LRRC15: variants seen among roughly 807,000 people sequenced by gnomAD.
LRRC15 encodes the protein leucine rich repeat containing 15.
In LRRC15, 5 loss-of-function variants were observed where a neutral mutation model predicts 4.3. That is an observed-to-expected ratio of 1.16 (90% CI 0.61 to 2.44). LRRC15 has a LOEUF of 2.44. Ranked by LOEUF, LRRC15 falls within the 30% of genes most tolerant of loss-of-function variation. LRRC15 has a pLI of 0.01. For synonymous variants in LRRC15, 337 were observed against 323.2 expected (o/e 1.04, Z -0.46); for missense variants, 769 against 747.0 (o/e 1.03, Z -0.34).
rs750414147 is a variant in LRRC15 at position 194,360,805 on chromosome 3, A to G, written c.239T>C (p.Ile80Thr). 6.8e-6 allele frequency: 11 copies of G among 1,614,098 alleles called. No homozygotes were observed. The East Asian group carries it at 2.0e-4, about 29-fold the overall frequency. The change falls in exon 2 of 2, where the codon ATC (isoleucine) becomes ACC (threonine). Residue 80 changes from isoleucine (I) to threonine (T), a missense_variant. Coordinates refer to ENST00000347624, the MANE Select transcript of LRRC15 (RefSeq NM_130830.5). The part of the protein sequence containing the change: ...ESPFLNISAL[I>T]ALRIEKNELS... ...CTCATTCTTCTCAATCCTCAGGGCG[A>G]TGAGGGCTGAGATATTGAGGAACGG... is the stretch of plus-strand genomic sequence containing the variant.
At position 194,360,338 on chromosome 3, in the gene LRRC15, G is replaced by A. The variant is rs564686984; in HGVS notation, c.706C>T (p.Leu236Phe). Reference protein sequence around the residue: ...LALQQNQIGLLSPGLFHNNHN... With the variant: ...LALQQNQIGLFSPGLFHNNHN... ...TTGTTGTGGAAGAGACCAGGGGAGA[G>A]CAGTCCAATCTGGTTCTGCTGCAGA... is the stretch of plus-strand genomic sequence containing the variant. Residue 236 changes from leucine to phenylalanine, a missense_variant, in exon 2 of 2, where the codon CTC becomes TTC. By Grantham distance (22) the Leu-to-Phe change is conservative. Transcript: ENST00000347624. 1 of 1,614,134 alleles carries A rather than the reference G, an allele frequency of 6.2e-7. No homozygotes were observed. The highest frequency in any genetic ancestry group is 1.7e-5 in the Admixed American group (1 of 60,028).
rs957232620 is a variant in LRRC15 at position 194,357,587 on chromosome 3, C to T, written c.*1711G>A. 3.9e-5 allele frequency: 6 copies of T among 152,310 alleles called. No homozygotes were observed. Among genetic ancestry groups the T allele is most frequent in the African/African-American group, 1.2e-4 (5 of 41,560 alleles). 9.4% of individuals were successfully genotyped at this position (152,310 alleles called of 1,614,324 possible). ...AGGAAAGCCAGAGAAGGCAGGTATT[C>T]GTGTGACTGTGACTCGAGGAGGAGA... On this transcript the variant is annotated 3_prime_UTR_variant, in exon 2 of 2. Transcript: ENST00000347624.
At position 194,358,831 on chromosome 3, in the gene LRRC15, T is replaced by C. The variant is rs1474549559; in HGVS notation, c.*467A>G. ...TGAGGGGACATGCTGGGTCAAGCCG[T>C]AGCACAAACAAGAGAAACAAAAGAA... On this transcript the variant is annotated 3_prime_UTR_variant, in exon 2 of 2. Transcript: ENST00000347624. 1 of 155,900 alleles carries C rather than the reference T, an allele frequency of 6.4e-6. No individual in the cohort carries two copies. Among genetic ancestry groups the C allele is most frequent in the African/African-American group, 2.4e-5 (1 of 41,464 alleles). 9.7% of individuals were successfully genotyped at this position (155,900 alleles called of 1,614,324 possible).
At position 194,359,760 on chromosome 3, in the gene LRRC15, G is replaced by A; in HGVS notation, c.1284C>T (p.Asp428=). 1.2e-6 allele frequency: 2 copies of A among 1,614,154 alleles called. No individual in the cohort carries two copies. Among genetic ancestry groups the A allele is most frequent in the Non-Finnish European group, 8.5e-7 (1 of 1,180,022 alleles). The change falls in exon 2 of 2, where the codon GAC becomes GAT. Residue 428 remains aspartate (D), a synonymous_variant. Transcript: ENST00000347624. ...AGTTGCGGAGCGGAAGGATGTCTGA[G>A]TCACACCTCCAGGGATTGTCATACA... ...LRLYDNPWRC[D]SDILPLRNWL... is the part of the protein sequence containing the mutation.
In LRRC15 at chr3:194,360,726, G is replaced by C. The variant is rs1445109365; in HGVS notation, c.318C>G (p.Leu106=). ...AFRNLGSLRY[L]SLANNKLQVL... The stretch of plus-strand genomic sequence containing the variant: ...CCTGCAGCTTGTTGTTGGCGAGGCT[G>C]AGATAGCGCAGCGAGCCCAGGTTTC... The change falls in exon 2 of 2, where the codon CTC becomes CTG. Residue 106 remains leucine, a synonymous_variant. Coordinates refer to ENST00000347624, the MANE Select transcript of LRRC15 (RefSeq NM_130830.5). 6.2e-7 allele frequency: 1 copy of C among 1,614,122 alleles called. No individual in the cohort carries two copies. The highest frequency in any genetic ancestry group is 2.2e-5 in the East Asian group (1 of 44,902).
intron 1 of LRRC15, among the ~76,000 whole-genome samples, chr3:194,365,407 G>C (rs1713748807): frequency 6.6e-6 from 1 of 152,114 alleles, no homozygotes; most frequent in Non-Finnish European, 1.5e-5. Flanking sequence ...GGACGTTTTT[G>C]GTTTAATACC....
chr3:194,367,464 A>T lies in LRRC15; in HGVS notation c.-4+2197T>A, dbSNP rs1018668219. 2.0e-5 allele frequency among the ~76,000 whole-genome samples: 3 copies of T among 151,864 alleles called. No homozygotes were observed. The East Asian group carries it at 5.8e-4, about 29-fold the overall frequency. On this transcript the variant is annotated intron_variant, in intron 1 of 1. Coordinates refer to ENST00000347624, the MANE Select transcript of LRRC15 (RefSeq NM_130830.5). ...TGGGACTACAGGTGCCCGCCACCAC[A>T]CCCGGCTAATTTTTTGTATTTTTAG...
rs1370593506 is a variant in LRRC15 at position 194,357,391 on chromosome 3, G to A, written c.*1907C>T. The A allele has an allele frequency of 7.2e-5, 11 of 152,142 alleles. No individual in the cohort carries two copies. The highest frequency in any genetic ancestry group is 5.9e-4 in the Admixed American group (9 of 15,272). The allele number at this position is 152,142 out of a possible 1,614,324, so 9.4% of individuals were successfully genotyped here. A position where few individuals can be genotyped will look rare whatever the true frequency, so the allele number is the denominator to read the frequency against. On this transcript the variant is annotated 3_prime_UTR_variant, in exon 2 of 2. Transcript: ENST00000347624. Reference sequence around the variant, plus strand: ...AGCGGGGAGCTAATAAGAGCCGATCGGGATTGGTCGTGGATTTCCAGATCC... The same window carrying A: ...AGCGGGGAGCTAATAAGAGCCGATCAGGATTGGTCGTGGATTTCCAGATCC...
At chr3:194,362,934 A>ATT (rs1162019236) in intron 1 of LRRC15, among the ~76,000 whole-genome samples, 95 of 114,738 alleles carry the variant, frequency 8.3e-4, no homozygotes, top group Non-Finnish European at 9.9e-4. Flanking sequence ...ACAGACCTTG[A>ATT]TTTTGTTTTT....
intron 1 of LRRC15, among the ~76,000 whole-genome samples, chr3:194,362,180 A>G (rs10698992): frequency 0.39 from 59,890 of 151,680 alleles, 12,986 homozygotes; most frequent in African/African-American, 0.55. Context: ...TATGGGACAT[A>G]GGTGCTGGTC....
rs749867103 is a variant in LRRC15 at position 194,360,108 on chromosome 3, G to A, written c.936C>T (p.Val312=). Residue 312 remains valine, a synonymous_variant, in exon 2 of 2, where the codon GTC becomes GTT. Coordinates refer to ENST00000347624, the MANE Select transcript of LRRC15 (RefSeq NM_130830.5). The part of the protein sequence containing the change: ...DNHISSLPDN[V]FSNLRQLQVL... ...CCTGCAACTGGCGGAGGTTGCTGAA[G>A]ACATTGTCGGGTAGAGAAGAGATGT... The A allele has an allele frequency of 1.2e-6, 2 of 1,614,248 alleles. No individual in the cohort carries two copies. The highest frequency in any genetic ancestry group is 2.2e-5 in the South Asian group (2 of 91,086).
chr3:194,363,284 C>A, intron 1 of LRRC15: 1 of 665,162 alleles, frequency 1.5e-6, no homozygotes, highest in Admixed American at 2.5e-5. Context: ...GAAGCCCTGA[C>A]CTGCTATACT....
rs1560046085 is a variant in LRRC15 at position 194,361,027 on chromosome 3, T to TAATGCTTCAGTG, written c.5_16dup (p.His5_Tyr6insSerLeuLysHis). The TAATGCTTCAGTG allele has an allele frequency of 6.6e-7, 1 of 1,514,878 alleles. No individual in the cohort carries two copies. The highest frequency in any genetic ancestry group is 2.3e-5 in the East Asian group (1 of 44,148). The allele number at this position is 1,514,878 out of a possible 1,614,324, so 93.8% of individuals were successfully genotyped here. A position where few individuals can be genotyped will look rare whatever the true frequency, so the allele number is the denominator to read the frequency against. ...TTGGCAGCCCACCAGCAAAAGGAGATAATGCTTCAGTGGCATAGCCTGTGC... is the reference window on the plus strand; with the variant it reads ...TTGGCAGCCCACCAGCAAAAGGAGATAATGCTTCAGTGAATGCTTCAGTGGCATAGCCTGTGC... On this transcript the variant is annotated inframe_insertion, in exon 2 of 2. Transcript: ENST00000347624.
Position 194,359,205 on chromosome 3 carries a change from G to A in LRRC15, c.*93C>T. 1 of 1,225,254 alleles carries A rather than the reference G, an allele frequency of 8.2e-7. No homozygotes were observed. Among genetic ancestry groups the A allele is most frequent in the Non-Finnish European group, 1.1e-6 (1 of 880,946 alleles). 75.9% of individuals were successfully genotyped at this position (1,225,254 alleles called of 1,614,324 possible). On this transcript the variant is annotated 3_prime_UTR_variant, in exon 2 of 2. Coordinates refer to ENST00000347624, the MANE Select transcript of LRRC15 (RefSeq NM_130830.5). Reference sequence around the variant, plus strand: ...CTGGGGCCAGAAAGAGCAATCACGGGAAAGCTCCATGGACCCAGGGGTGGA... The same window carrying A: ...CTGGGGCCAGAAAGAGCAATCACGGAAAAGCTCCATGGACCCAGGGGTGGA...
At chr3:194,366,364 T>A (rs1275493870) in intron 1 of LRRC15, among the ~76,000 whole-genome samples, 1 of 152,260 alleles carries the variant, frequency 6.6e-6, no homozygotes, top group Non-Finnish European at 1.5e-5. Context: ...GTGACGATTG[T>A]TATTTTTGTT....
intron 1 of LRRC15, among the ~76,000 whole-genome samples, chr3:194,362,978 G>A (rs571498344): frequency 4.2e-5 from 5 of 117,868 alleles, no homozygotes; most frequent in African/African-American, 1.4e-4. Flanking sequence ...GTCTCGCTCT[G>A]TCCCCCAGGC....
chr3:194,368,144 A>C (rs6802406), intron 1 of LRRC15, among the ~76,000 whole-genome samples: 122,150 of 152,190 alleles, frequency 0.8, 49,473 homozygotes, highest in East Asian at 0.94. Context: ...TTCTGTGTCC[A>C]AAAGCCAAGA....
chr3:194,355,777 C>G lies in LRRC15; in HGVS notation c.*3521G>C, dbSNP rs1713408873. 1 of 152,228 alleles carries G rather than the reference C, an allele frequency of 6.6e-6. No individual in the cohort carries two copies. The allele number at this position is 152,228 out of a possible 1,614,324, so 9.4% of individuals were successfully genotyped here. A position where few individuals can be genotyped will look rare whatever the true frequency, so the allele number is the denominator to read the frequency against. ...GTTTGGAAGTTCTTTCCCAATAGCTCTACATCAGCATCTGAAAGGTTGTGG... is the reference window on the plus strand; with the variant it reads ...GTTTGGAAGTTCTTTCCCAATAGCTGTACATCAGCATCTGAAAGGTTGTGG... On this transcript the variant is annotated 3_prime_UTR_variant, in exon 2 of 2. Coordinates refer to ENST00000347624, the MANE Select transcript of LRRC15 (RefSeq NM_130830.5).
chr3:194,363,141 A>G (rs958396554), intron 1 of LRRC15, among the ~76,000 whole-genome samples: 4 of 151,992 alleles, frequency 2.6e-5, no homozygotes, highest in Non-Finnish European at 5.9e-5. Flanking sequence ...GGGTTTCACC[A>G]TGTTGGTCAG....
Sources: allele counts gnomAD v4.1 joint callset (sites outside exome capture counted in the v4.1 genomes callset), GRCh38; gene constraint gnomAD v4.1.1; transcripts MANE v1.5; gene names NCBI Gene and HGNC (gene_info 2026-07-23, HGNC 2026-07-21).